TJP1: variants seen among roughly 807,000 people sequenced by gnomAD.
TJP1 encodes the protein tight junction protein ZO-1.
In TJP1, 43 loss-of-function variants were observed where a neutral mutation model predicts 194.2. The observed-to-expected ratio is 0.22, with a 90% CI of 0.17 to 0.29. TJP1 has a LOEUF of 0.29. Ranked by LOEUF, TJP1 falls within the 10% of genes least tolerant of loss-of-function variation. The pLI is 1.00. For missense variants in TJP1, 1,971 were observed against 2,185.7 expected, an observed-to-expected ratio of 0.90 and a Z score of 1.96; for synonymous variants, 801 against 779.0, an observed-to-expected ratio of 1.03 and a Z score of -0.47.
At chr15:29,776,061 T>G (rs2046997171) in intron 2 of TJP1, among the ~76,000 whole-genome samples, 1 of 152,134 alleles carries the variant, frequency 6.6e-6, no homozygotes. Flanking sequence ...ATACTGACAC[T>G]GAAAGCTGAT....
At chr15:29,760,945 A>C (rs45461692) in intron 8 of TJP1, among the ~76,000 whole-genome samples, 194 bp downstream of exon 8, 3,561 of 152,308 alleles carry the variant, frequency 0.023, 50 homozygotes, top group South Asian at 0.054. Context: ...TGATTGAAAT[A>C]TGTTTACTAT....
chr15:29,747,247 T>C (rs1239370222), intron 8 of TJP1, among the ~76,000 whole-genome samples: 1 of 152,170 alleles, frequency 6.6e-6, no homozygotes, highest in African/African-American at 2.4e-5. Context: ...ATTGCGCCAC[T>C]GCACTCCAGC....
At chr15:29,730,716 C>A in intron 15 of TJP1, 1 of 765,778 alleles carries the variant, frequency 1.3e-6, no homozygotes, top group Non-Finnish European at 2.4e-6. Flanking sequence ...CGCCACCATG[C>A]CCAAGAGAAA....
chr15:29,753,835 AAAAC>A (rs1222893369), intron 8 of TJP1, among the ~76,000 whole-genome samples: 2 of 152,032 alleles, frequency 1.3e-5, no homozygotes, highest in Admixed American at 1.3e-4. Context: ...AAAAAAAAAA[AAAAC>A]AAAGGTAAAG....
chr15:29,874,356 G>A (rs916243559), intron 2 of TJP1, among the ~76,000 whole-genome samples: 3 of 152,214 alleles, frequency 2.0e-5, no homozygotes, highest in South Asian at 2.1e-4. Flanking sequence ...TCAGGCACTC[G>A]GCTCATTGGA....
intron 2 of TJP1, among the ~76,000 whole-genome samples, chr15:29,940,470 T>C (rs1208693150): frequency 1.3e-5 from 2 of 152,214 alleles, no homozygotes; most frequent in African/African-American, 4.8e-5. Flanking sequence ...AGTCATATAA[T>C]AACCAGATGA....
chr15:29,802,023 A>G (rs2048825670), intron 1 of TJP1, among the ~76,000 whole-genome samples: 1 of 152,198 alleles, frequency 6.6e-6, no homozygotes. Context: ...AATTCAAAAT[A>G]AATTTCTTTT....
intron 2 of TJP1, among the ~76,000 whole-genome samples, chr15:29,786,083 C>T (rs2151768900): frequency 6.6e-6 from 1 of 152,308 alleles, no homozygotes; most frequent in African/African-American, 2.4e-5. Context: ...AAGATCCAAG[C>T]ACTGCAGATT....
chr15:29,854,910 G>T (rs1222927049), intron 2 of TJP1, among the ~76,000 whole-genome samples: 1 of 151,754 alleles, frequency 6.6e-6, no homozygotes, highest in African/African-American at 2.4e-5. Context: ...GAAAAAAAAA[G>T]GTTAGAAACA....
chr15:29,868,702 G>A (rs952785196), intron 2 of TJP1, among the ~76,000 whole-genome samples: 1 of 152,162 alleles, frequency 6.6e-6, no homozygotes, highest in Non-Finnish European at 1.5e-5. Flanking sequence ...AAACAAAATA[G>A]CCCAAGTTTT....
intron 5 of TJP1, among the ~76,000 whole-genome samples, chr15:29,763,329 T>C (rs1040248050): frequency 6.6e-6 from 1 of 152,168 alleles, no homozygotes; most frequent in Non-Finnish European, 1.5e-5. Context: ...CAACTATCAA[T>C]ATAATGTCAA....
At chr15:29,711,087 TA>T (rs368869541) in intron 23 of TJP1, 87 bp from the exon 24 acceptor site, 25,939 of 1,079,926 alleles carry the variant, frequency 0.024, 9 homozygotes, top group Middle Eastern at 0.038. Flanking sequence ...ATCTCTAAGT[TA>T]AAAAAAAAAA....
At chr15:29,863,339 C>T (rs1226114202) in intron 2 of TJP1, among the ~76,000 whole-genome samples, 4 of 151,948 alleles carry the variant, frequency 2.6e-5, no homozygotes, top group Non-Finnish European at 5.9e-5. Flanking sequence ...GCAATATGGA[C>T]GATGGTTTGC....
At chr15:29,805,914 G>A (rs1424182373) in intron 1 of TJP1, among the ~76,000 whole-genome samples, 3 of 152,146 alleles carry the variant, frequency 2.0e-5, no homozygotes, top group Non-Finnish European at 4.4e-5. Context: ...AAGATTGTGT[G>A]ATGCTACACA....
At chr15:29,773,681 A>G (rs1426942473) in intron 2 of TJP1, among the ~76,000 whole-genome samples, 1 of 152,262 alleles carries the variant, frequency 6.6e-6, no homozygotes, top group Non-Finnish European at 1.5e-5. Context: ...GGCAGAGCCC[A>G]GTGTGATCAT....
chr15:29,870,844 G>C (rs2052490655), intron 2 of TJP1, among the ~76,000 whole-genome samples: 1 of 152,272 alleles, frequency 6.6e-6, no homozygotes, highest in African/African-American at 2.4e-5. Flanking sequence ...TAAACAGAGG[G>C]CCAATGCAAA....
chr15:29,869,192 C>G (rs1432410620), intron 2 of TJP1, among the ~76,000 whole-genome samples: 4 of 152,046 alleles, frequency 2.6e-5, no homozygotes, highest in African/African-American at 9.7e-5. Flanking sequence ...TAAGAGAAAG[C>G]GAGGGTGAAC....
intron 2 of TJP1, among the ~76,000 whole-genome samples, chr15:29,866,005 T>C (rs1281739480): frequency 1.3e-5 from 2 of 152,204 alleles, no homozygotes; most frequent in Non-Finnish European, 2.9e-5. Flanking sequence ...AAATCTGCAA[T>C]TAACAATCAT....
chr15:29,965,071 C>T (rs1312938473), intron 1 of TJP1, among the ~76,000 whole-genome samples: 2 of 152,232 alleles, frequency 1.3e-5, no homozygotes, highest in Non-Finnish European at 2.9e-5. Context: ...CTGCCCTTTA[C>T]ACTGGCAGAA....
Sources: gnomAD v4.1 joint callset for allele counts (sites outside exome capture counted in the v4.1 genomes callset) on GRCh38, gnomAD v4.1.1 for gene constraint, MANE v1.5 for transcripts, NCBI Gene and HGNC (gene_info 2026-07-23, HGNC 2026-07-21) for gene names.